Variants in IPO11 observed in about 807,000 individuals in gnomAD.
The protein encoded by IPO11 is importin 11, also known as importin-11.
A neutral mutation model predicts 143.2 loss-of-function variants in IPO11; 66 were observed. That is an observed-to-expected ratio of 0.46 (90% CI 0.38 to 0.57). IPO11 has a LOEUF of 0.57. IPO11 is among the 20% of genes least tolerant of loss of function. IPO11 has a pLI of 0.00. For missense variants in IPO11, 1,026 were observed against 1,141.0 expected, an observed-to-expected ratio of 0.90 and a Z score of 1.45; for synonymous variants, 385 against 377.8, an observed-to-expected ratio of 1.02 and a Z score of -0.22.
intron 24 of IPO11, among the ~76,000 whole-genome samples, chr5:62,538,179 A>G (rs1275950819): frequency 1.3e-5 from 2 of 152,174 alleles, no homozygotes; most frequent in African/African-American, 4.8e-5. Context: ...AAATGATTTC[A>G]CTTCCTCCCA....
rs1016136484 is a variant in IPO11, at chr5:62,478,785, T to C, written c.828+2032T>C. Among the ~76,000 whole-genome samples the C allele has an allele frequency of 5.3e-5, 8 of 152,206 alleles. 1 individual carries two copies. Among genetic ancestry groups the C allele is most frequent in the Non-Finnish European group, 1.0e-4 (7 of 68,024 alleles). On this transcript the variant is annotated intron_variant, in intron 9 of 29. Transcript: ENST00000325324. ...TTCACACTTCTCCTCCCATATTTCT[T>C]ATAAGTTGGTAGTTAGATGTAGAGG...
intron 9 of IPO11, among the ~76,000 whole-genome samples, chr5:62,481,279 G>A (rs1347600700): frequency 7.2e-5 from 11 of 152,048 alleles, no homozygotes; most frequent in African/African-American, 2.7e-4. Context: ...TGCCCTGGCC[G>A]GAACTTCCAA....
chr5:62,425,938 C>T (rs1743723405), intron 1 of IPO11, among the ~76,000 whole-genome samples: 1 of 152,124 alleles, frequency 6.6e-6, no homozygotes, highest in South Asian at 2.1e-4. Context: ...ACATTAAGTA[C>T]CTAATAGACA....
intron 21 of IPO11, among the ~76,000 whole-genome samples, chr5:62,527,068 A>T (rs1036924034): frequency 1.3e-5 from 2 of 152,012 alleles, no homozygotes; most frequent in Non-Finnish European, 2.9e-5. Context: ...ATAAATAATG[A>T]TCTTTATCAG....
At chr5:62,495,466 G>C (rs1369155702) in intron 16 of IPO11, among the ~76,000 whole-genome samples, 1 of 152,100 alleles carries the variant, frequency 6.6e-6, no homozygotes, top group African/African-American at 2.4e-5. Context: ...ATTGCTTGGA[G>C]TTTTTCTTTT....
intron 13 of IPO11, among the ~76,000 whole-genome samples, chr5:62,489,006 T>C (rs534503795): frequency 6.6e-6 from 1 of 152,238 alleles, no homozygotes; most frequent in Non-Finnish European, 1.5e-5. Context: ...AGACCTTGTC[T>C]CAAAAAAAAT....
chr5:62,546,830 G>A (rs1386126424), intron 24 of IPO11, among the ~76,000 whole-genome samples: 1 of 152,140 alleles, frequency 6.6e-6, no homozygotes, highest in African/African-American at 2.4e-5. Flanking sequence ...ATATAAGTAA[G>A]GAGCATTGTC....
At chr5:62,443,382 A>AGT (rs4024083) in intron 3 of IPO11, 2,281 of 159,508 alleles carry the variant, frequency 0.014, 31 homozygotes, top group Admixed American at 0.026. Context: ...TTTCCATTTG[A>AGT]GTGTGTGTGT....
At chr5:62,534,422 T>G (rs1742667622) in intron 22 of IPO11, among the ~76,000 whole-genome samples, 1 of 152,150 alleles carries the variant, frequency 6.6e-6, no homozygotes, top group South Asian at 2.1e-4. Context: ...CTCCCTTTCC[T>G]CCTTACAGAA....
chr5:62,554,721 G>C (rs1310395048), intron 26 of IPO11, among the ~76,000 whole-genome samples: 1 of 150,862 alleles, frequency 6.6e-6, no homozygotes, highest in Non-Finnish European at 1.5e-5. Flanking sequence ...TTTTTTGGGG[G>C]GGTGGGGGTG....
At chr5:62,503,955 A>T (rs184205550) in intron 16 of IPO11, among the ~76,000 whole-genome samples, 6 of 152,370 alleles carry the variant, frequency 3.9e-5, no homozygotes, top group Admixed American at 2.0e-4. Flanking sequence ...ATTGAAATAT[A>T]GAATTTAGTC....
intron 28 of IPO11, among the ~76,000 whole-genome samples, chr5:62,598,224 A>T (rs1239299317): frequency 2.0e-5 from 3 of 151,938 alleles, no homozygotes; most frequent in Admixed American, 6.6e-5. Context: ...GGGGGCTGGG[A>T]TCAGCTTTTT....
intron 29 of IPO11, among the ~76,000 whole-genome samples, chr5:62,615,984 G>A (rs1746115600): frequency 7.0e-6 from 1 of 142,310 alleles, no homozygotes; most frequent in Admixed American, 7.5e-5. Context: ...TCAAAGATAG[G>A]TACATTTGGA....
intron 16 of IPO11, among the ~76,000 whole-genome samples, chr5:62,501,034 A>G (rs1432451187): frequency 6.6e-6 from 1 of 152,228 alleles, no homozygotes; most frequent in African/African-American, 2.4e-5. Context: ...GAAAGTTACT[A>G]GGTGGAGTTT....
intron 27 of IPO11, chr5:62,578,791 TTA>T: frequency 5.2e-6 from 2 of 386,222 alleles, no homozygotes; most frequent in South Asian, 2.0e-5. Flanking sequence ...AAACGGTGAC[TTA>T]AAAAAAAAAA....
Position 62,464,709 on chromosome 5 carries a change from G to C in IPO11, c.517-2422G>C, listed in dbSNP as rs186554810. ...TGCACAGGCTGGTCTCCTGACCCCA[G>C]GTGATCATCTGCCTCTGCCTCCCAA... On this transcript the variant is annotated intron_variant, in intron 5 of 29. Coordinates refer to ENST00000325324, the MANE Select transcript of IPO11 (RefSeq NM_016338.5). Among the ~76,000 whole-genome samples the C allele has an allele frequency of 2.0e-3, 308 of 152,236 alleles. 2 individuals are homozygous for C. Among genetic ancestry groups the C allele is most frequent in the African/African-American group, 7.2e-3 (301 of 41,552 alleles).
At chr5:62,558,610 A>G (rs181429229) in intron 26 of IPO11, among the ~76,000 whole-genome samples, 99 of 152,340 alleles carry the variant, frequency 6.5e-4, no homozygotes, top group African/African-American at 2.4e-3. Flanking sequence ...ACAGTCAGGG[A>G]AAAAAGTAAA....
chr5:62,502,908 C>T (rs1472683345), intron 16 of IPO11, among the ~76,000 whole-genome samples: 7 of 152,100 alleles, frequency 4.6e-5, no homozygotes, highest in East Asian at 1.9e-4. Context: ...CTGCAACCCT[C>T]GCCTCCCAGG....
chr5:62,414,032 C>CT (rs1561299970), intron 1 of IPO11, among the ~76,000 whole-genome samples: 2 of 152,202 alleles, frequency 1.3e-5, no homozygotes, highest in African/African-American at 4.8e-5. Context: ...ATAGTAGTGG[C>CT]TTGTGGCCAT....
Sources: allele counts gnomAD v4.1 joint callset (sites outside exome capture counted in the v4.1 genomes callset), GRCh38; gene constraint gnomAD v4.1.1; transcripts MANE v1.5; gene names NCBI Gene and HGNC (gene_info 2026-07-23, HGNC 2026-07-21).